Variants in RPA3 observed in about 807,000 individuals in gnomAD.
RPA3 encodes replication protein A3.
RPA3 carries 24 observed loss-of-function variants against 13.7 expected under a neutral mutation model. The observed-to-expected ratio is 1.75, with a 90% CI of 1.27 to 2.46. The LOEUF is 2.46. Ranked by LOEUF, RPA3 falls within the 30% of genes most tolerant of loss-of-function variation. RPA3 has a pLI of 0.00. For synonymous variants in RPA3, 59 were observed against 51.2 expected (o/e 1.15, Z -0.65); for missense variants, 183 against 151.0 (o/e 1.21, Z -1.11).
intron 2 of RPA3, among the ~76,000 whole-genome samples, chr7:7,702,425 C>A (rs2881961): frequency 0.39 from 58,629 of 151,900 alleles, 11,631 homozygotes; most frequent in Middle Eastern, 0.47. Flanking sequence ...AGTCTATGGA[C>A]TATAATACGA....
intron 4 of RPA3, among the ~76,000 whole-genome samples, chr7:7,650,200 ATTTACG>A (rs1785192706): frequency 6.6e-6 from 1 of 152,162 alleles, no homozygotes; most frequent in Non-Finnish European, 1.5e-5. Context: ...TAATCCCACA[ATTTACG>A]TTCTTGTAAC....
At chr7:7,651,218 A>G (rs1785216710) in intron 4 of RPA3, among the ~76,000 whole-genome samples, 2 of 152,246 alleles carry the variant, frequency 1.3e-5, no homozygotes, top group African/African-American at 2.4e-5. Context: ...GAAACCAGAA[A>G]GGACAAGGAT....
intron 4 of RPA3, among the ~76,000 whole-genome samples, chr7:7,655,458 G>C (rs1476176722): frequency 1.3e-5 from 2 of 152,178 alleles, no homozygotes; most frequent in African/African-American, 4.8e-5. Context: ...CCTATACAGT[G>C]AAGTTCTCTG....
intron 4 of RPA3, among the ~76,000 whole-genome samples, chr7:7,666,205 T>C (rs1303046193): frequency 6.6e-6 from 1 of 151,992 alleles, no homozygotes; most frequent in East Asian, 1.9e-4. Context: ...TGTTTGTTTG[T>C]TTGTTTGTTT....
intron 4 of RPA3, among the ~76,000 whole-genome samples, chr7:7,642,640 A>T (rs1785000401): frequency 1.3e-5 from 2 of 152,212 alleles, no homozygotes; most frequent in Admixed American, 1.3e-4. Flanking sequence ...TTAAAATATT[A>T]TAAAATACAT....
At chr7:7,708,831 A>G (rs879672451) in intron 2 of RPA3, among the ~76,000 whole-genome samples, 5 of 152,174 alleles carry the variant, frequency 3.3e-5, no homozygotes, top group Admixed American at 6.6e-5. Context: ...AGTTATAACA[A>G]GACACCAAAT....
intron 4 of RPA3, among the ~76,000 whole-genome samples, chr7:7,678,432 T>C (rs971015636): frequency 2.1e-5 from 3 of 143,662 alleles, no homozygotes; most frequent in South Asian, 2.1e-4. Context: ...TTATATATTA[T>C]TTAATATATA....
chr7:7,713,393 A>G (rs1780814398), intron 2 of RPA3, among the ~76,000 whole-genome samples: 1 of 150,410 alleles, frequency 6.6e-6, no homozygotes, highest in Non-Finnish European at 1.5e-5. Flanking sequence ...AAGTTTATAG[A>G]CAGAGTTTTT....
chr7:7,641,478 T>A (rs1784972846), intron 4 of RPA3: 1 of 152,258 alleles, frequency 6.6e-6, no homozygotes, highest in South Asian at 2.1e-4. Context: ...TGACTCTGAC[T>A]TTTGGCCATA....
chr7:7,659,868 G>A (rs1563093791), intron 4 of RPA3, among the ~76,000 whole-genome samples: 1 of 152,132 alleles, frequency 6.6e-6, no homozygotes, highest in Non-Finnish European at 1.5e-5. Flanking sequence ...TTAATTTTCT[G>A]TCTCGTTGAT....
chr7:7,695,489 A>G (rs1364730406), intron 2 of RPA3, among the ~76,000 whole-genome samples: 2 of 152,138 alleles, frequency 1.3e-5, no homozygotes, highest in African/African-American at 4.8e-5. Flanking sequence ...ATGTTTCTCA[A>G]CCATGGTCTT....
chr7:7,716,954 A>G (rs1780924931), intron 1 of RPA3, among the ~76,000 whole-genome samples: 2 of 152,124 alleles, frequency 1.3e-5, no homozygotes, highest in African/African-American at 4.8e-5. Context: ...CGCCTCCTAT[A>G]AAACCAACCT....
intron 4 of RPA3, among the ~76,000 whole-genome samples, chr7:7,675,033 A>G (rs1486941687): frequency 6.6e-6 from 1 of 151,950 alleles, no homozygotes; most frequent in African/African-American, 2.4e-5. Context: ...TTTTAAAATT[A>G]TTTTTAAAGA....
chr7:7,660,630 C>T (rs962457109), intron 4 of RPA3, among the ~76,000 whole-genome samples: 1 of 152,064 alleles, frequency 6.6e-6, no homozygotes, highest in African/African-American at 2.4e-5. Context: ...ACTATTGGCC[C>T]CACTCTCTTC....
At chr7:7,641,461 T>TCCCA (rs1370513000) in intron 4 of RPA3, 1 of 152,224 alleles carries the variant, frequency 6.6e-6, no homozygotes, top group African/African-American at 2.4e-5. Flanking sequence ...ATTTGCAAGG[T>TCCCA]CCCAGTTGAC....
chr7:7,683,773 C>T (rs1779971351), intron 4 of RPA3, among the ~76,000 whole-genome samples: 1 of 152,142 alleles, frequency 6.6e-6, no homozygotes, highest in Admixed American at 6.5e-5. Context: ...CAGGCATGCA[C>T]CACCACACCT....
chr7:7,682,493 A>C (rs1026653715), intron 4 of RPA3, among the ~76,000 whole-genome samples: 1 of 152,144 alleles, frequency 6.6e-6, no homozygotes, highest in African/African-American at 2.4e-5. Context: ...TCCTTTATTT[A>C]AAAGTGGAAA....
At position 7,639,208 on chromosome 7, in the gene RPA3, T is replaced by G. The variant is rs1169399776; in HGVS notation, c.100-64A>C. 4 of 1,229,222 alleles carry G rather than the reference T, an allele frequency of 3.3e-6. No homozygotes were observed. In the African/African-American group the frequency reaches 6.0e-5, roughly 19 times the overall value. 76.1% of individuals were successfully genotyped at this position (1,229,222 alleles called of 1,614,324 possible). A position where few individuals can be genotyped will look rare whatever the true frequency, so the allele number is the denominator to read the frequency against. On this transcript the variant is annotated intron_variant, in intron 5 of 7. Coordinates refer to ENST00000223129, the MANE Select transcript of RPA3 (RefSeq NM_002947.5). ...ACAACAAAGTTTGACTAAAGATGAG[T>G]ACATTGATCCTTAGTTGAGCACAAA... is the stretch of plus-strand genomic sequence containing the variant.
intron 4 of RPA3, among the ~76,000 whole-genome samples, chr7:7,646,580 G>A (rs1437093759): frequency 6.7e-6 from 1 of 149,834 alleles, no homozygotes; most frequent in Non-Finnish European, 1.5e-5. Flanking sequence ...CCAGCCACGT[G>A]GAACTGTGAG....
Sources: gnomAD v4.1 joint callset for allele counts (sites outside exome capture counted in the v4.1 genomes callset) on GRCh38, gnomAD v4.1.1 for gene constraint, MANE v1.5 for transcripts, NCBI Gene and HGNC (gene_info 2026-07-23, HGNC 2026-07-21) for gene names.